The following IBTK variants were observed in gnomAD, a reference collection of about 807,000 sequenced individuals.
The protein encoded by IBTK is inhibitor of Bruton tyrosine kinase.
A neutral mutation model predicts 154.9 loss-of-function variants in IBTK; 83 were observed. The observed-to-expected ratio is 0.54, with a 90% CI of 0.45 to 0.64. IBTK has a LOEUF of 0.64. Among genes scored for constraint, IBTK ranks in the 30% least tolerant of loss-of-function variants. The pLI is 0.00. For synonymous variants in IBTK, 515 were observed against 536.1 expected (o/e 0.96, Z 0.54); for missense variants, 1,332 against 1,584.6 (o/e 0.84, Z 2.71).
rs768337284 is a variant in IBTK at position 82,202,558 on chromosome 6, C to G, written c.2699G>C (p.Gly900Ala). 6.2e-7 allele frequency: 1 copy of G among 1,608,964 alleles called. No homozygotes were observed. The highest frequency in any genetic ancestry group is 2.2e-5 in the East Asian group (1 of 44,604). ...TTCAAGTAAAGCTGCCATATTCAAT[C>G]CTATAAACTGTAAACAAGACAGTTT... ...QLKLSCLQFIGLNMAALLEAR... is the reference protein window; with the variant it reads ...QLKLSCLQFIALNMAALLEAR... The change falls in exon 18 of 29, where the codon GGA becomes GCA. Residue 900 changes from glycine (G) to alanine (A), a missense_variant. By Grantham distance (60) the Gly-to-Ala change is moderately conservative (BLOSUM62 0). Transcript: ENST00000306270.
chr6:82,237,858 T>C (rs1770790268), intron 2 of IBTK, among the ~76,000 whole-genome samples: 3 of 152,204 alleles, frequency 2.0e-5, no homozygotes. Flanking sequence ...GGTAAGCTTC[T>C]GAATTTGACC....
Position 82,224,176 on chromosome 6 carries a change from T to C in IBTK, c.835A>G (p.Lys279Glu), listed in dbSNP as rs1770208763. ...SCNVPRQIQA[K>E]YLKGRTIIGV... ...ATGATTGTCCTTCCTTTCAGATATT[T>C]TGCCTGTATCTATTTAAAGACAAAT... Residue 279 changes from lysine to glutamate, a missense_variant, in exon 7 of 29, where the codon AAA becomes GAA. Lys to Glu is a moderately conservative substitution (Grantham distance 56). Transcript: ENST00000306270. 3 of 1,613,080 alleles carry C rather than the reference T, an allele frequency of 1.9e-6. No homozygotes were observed. Among genetic ancestry groups the C allele is most frequent in the Non-Finnish European group, 2.5e-6 (3 of 1,179,058 alleles).
intron 26 of IBTK, among the ~76,000 whole-genome samples, chr6:82,175,197 G>T (rs1768065686): frequency 6.6e-6 from 1 of 152,062 alleles, no homozygotes; most frequent in South Asian, 2.1e-4. Context: ...AACTCAAAGG[G>T]TATTTTTTTA....
chr6:82,187,255 G>A (rs1333939358), intron 25 of IBTK, among the ~76,000 whole-genome samples: 1 of 151,968 alleles, frequency 6.6e-6, no homozygotes, highest in East Asian at 1.9e-4. Context: ...AATAACCTAT[G>A]TTTTTGGTCA....
chr6:82,174,766 A>C (rs1330359603), intron 26 of IBTK: 1 of 353,544 alleles, frequency 2.8e-6, no homozygotes, highest in African/African-American at 2.1e-5. Context: ...ACTATTATAG[A>C]GATTAAAAAA....
intron 16 of IBTK, 169 bp from the exon 17 acceptor site, chr6:82,205,127 G>A: frequency 2.4e-6 from 1 of 418,824 alleles, no homozygotes; most frequent in Admixed American, 4.3e-5. Flanking sequence ...ATGTTGAAAG[G>A]GCAACCATAA....
chr6:82,224,212 T>G, intron 6 of IBTK, 27 bp from the exon 7 acceptor site: 1 of 1,462,406 alleles, frequency 6.8e-7, no homozygotes, highest in Non-Finnish European at 9.6e-7. Context: ...AAAACTGCAA[T>G]TTACTATATA....
intron 12 of IBTK, 60 bp downstream of exon 12, chr6:82,214,167 G>GA: frequency 6.7e-7 from 1 of 1,493,606 alleles, no homozygotes; most frequent in Non-Finnish European, 9.0e-7. Context: ...GTAAGGGTGG[G>GA]AAATTTTTTA....
chr6:82,202,642 G>A lies in IBTK; in HGVS notation c.2615C>T (p.Thr872Ile), dbSNP rs149572054. 18 of 1,562,422 alleles carry A rather than the reference G, an allele frequency of 1.2e-5. No individual in the cohort carries two copies. Among genetic ancestry groups the A allele is most frequent in the East Asian group, 2.3e-5 (1 of 43,120 alleles). Reference sequence around the variant, plus strand: ...CAGTAGCATAGCAGCATTCTTCAGGGTAACTACAAAGAAAGAAAAGATTTG... The same window carrying A: ...CAGTAGCATAGCAGCATTCTTCAGGATAACTACAAAGAAAGAAAAGATTTG... ...ICEVALTEKL[T>I]LKNAAMLLEF... Residue 872 changes from threonine (T) to isoleucine (I), a missense_variant, in exon 18 of 29, where the codon ACC (threonine) becomes ATC (isoleucine). Physicochemically the swap from Thr to Ile is moderately conservative, Grantham distance 89. Transcript: ENST00000306270.
chr6:82,228,489 G>A (rs1478711306), intron 4 of IBTK, among the ~76,000 whole-genome samples: 1 of 152,092 alleles, frequency 6.6e-6, no homozygotes, highest in Non-Finnish European at 1.5e-5. Context: ...TTCATTTTAT[G>A]AAATAAGAAA....
At chr6:82,195,391 C>T (rs1768943161) in intron 22 of IBTK, among the ~76,000 whole-genome samples, 1 of 151,962 alleles carries the variant, frequency 6.6e-6, no homozygotes, top group African/African-American at 2.4e-5. Flanking sequence ...GCCTGAGCAA[C>T]ACGGCAAAAC....
At position 82,172,820 on chromosome 6, in the gene IBTK, T is replaced by G. The variant is rs191503553; in HGVS notation, c.3798-308A>C. The G allele has an allele frequency of 2.7e-4, 76 of 279,816 alleles. 1 individual carries two copies. Among genetic ancestry groups the G allele is most frequent in the African/African-American group, 1.6e-3 (71 of 45,214 alleles). 17.3% of individuals were successfully genotyped at this position (279,816 alleles called of 1,614,324 possible). On this transcript the variant is annotated intron_variant, in intron 27 of 28. Transcript: ENST00000306270. Reference sequence around the variant, plus strand: ...GTGAGAAACAGAAAAACAGAAGAACTAATGTTTTATTTGGACCAGTATTAG... The same window carrying G: ...GTGAGAAACAGAAAAACAGAAGAACGAATGTTTTATTTGGACCAGTATTAG...
chr6:82,247,323 C>A (rs746836613), intron 1 of IBTK, among the ~76,000 whole-genome samples: 5 of 152,370 alleles, frequency 3.3e-5, no homozygotes, highest in Admixed American at 6.5e-5. Context: ...CGTAGCGCAT[C>A]GCCGGGACAG....
intron 10 of IBTK, among the ~76,000 whole-genome samples, chr6:82,216,626 T>C (rs1405352300): frequency 6.6e-6 from 1 of 152,190 alleles, no homozygotes; most frequent in Non-Finnish European, 1.5e-5. Context: ...GGATTAAAAA[T>C]ATATAAATCT....
At chr6:82,188,567 T>G (rs1268817598) in intron 25 of IBTK, among the ~76,000 whole-genome samples, 1 of 152,020 alleles carries the variant, frequency 6.6e-6, no homozygotes, top group Non-Finnish European at 1.5e-5. Flanking sequence ...TACTAAAGAG[T>G]GAAAATGCCT....
chr6:82,229,299 C>T (rs1770413885), intron 4 of IBTK, among the ~76,000 whole-genome samples: 1 of 152,140 alleles, frequency 6.6e-6, no homozygotes, highest in Non-Finnish European at 1.5e-5. Flanking sequence ...CTAGTTCACT[C>T]ACAACCCTGG....
chr6:82,199,323 G>T (rs907393582), intron 21 of IBTK, among the ~76,000 whole-genome samples: 2 of 152,094 alleles, frequency 1.3e-5, no homozygotes, highest in Non-Finnish European at 2.9e-5. Flanking sequence ...AAATGCAAAT[G>T]TGATGAGAAG....
chr6:82,210,721 GGTTT>G (rs200126695), intron 16 of IBTK, 89 bp downstream of exon 16: 10,435 of 523,578 alleles, frequency 0.02, 124 homozygotes, highest in Non-Finnish European at 0.026. Flanking sequence ...CTTTATTGAT[GGTTT>G]TTTTCTATTA....
intron 22 of IBTK, among the ~76,000 whole-genome samples, 160 bp from the exon 23 acceptor site, chr6:82,194,802 T>C (rs1378378818): frequency 6.6e-6 from 1 of 152,198 alleles, no homozygotes; most frequent in Non-Finnish European, 1.5e-5. Flanking sequence ...TACAGTTTTG[T>C]GCCTTAGCCA....
Sources: gnomAD v4.1 joint callset for allele counts (sites outside exome capture counted in the v4.1 genomes callset) on GRCh38, gnomAD v4.1.1 for gene constraint, MANE v1.5 for transcripts, NCBI Gene and HGNC (gene_info 2026-07-23, HGNC 2026-07-21) for gene names.